The following DIAPH2 variants were observed in gnomAD, a reference collection of about 807,000 sequenced individuals.
DIAPH2 encodes diaphanous related formin 2.
A neutral mutation model predicts 92.7 loss-of-function variants in DIAPH2; 35 were observed. The observed-to-expected ratio is 0.38, with a 90% confidence interval of 0.29 to 0.50. The LOEUF is 0.50. DIAPH2 is among the 20% of genes least tolerant of loss of function. DIAPH2 has a pLI of 0.94. For missense variants in DIAPH2, 701 were observed against 819.5 expected (o/e 0.86, Z 1.77); for synonymous variants, 301 against 280.4 (o/e 1.07, Z -0.73).
intron 20 of DIAPH2, among the ~76,000 whole-genome samples, chrX:97,107,493 C>T (rs1168321564): frequency 8.9e-6 from 1 of 111,773 alleles, no homozygotes; most frequent in East Asian, 2.8e-4. Flanking sequence ...AGGTTCTGCC[C>T]TGGAGGAGGT....
intron 4 of DIAPH2, among the ~76,000 whole-genome samples, chrX:96,833,751 C>T (rs2064870472): frequency 9.0e-6 from 1 of 110,599 alleles, no homozygotes; most frequent in African/African-American, 3.3e-5. Flanking sequence ...ACCTCTGCCT[C>T]CTGGGTTCAA....
chrX:97,289,099 T>A lies in DIAPH2; in HGVS notation c.2844+41260T>A, dbSNP rs1382988447. Among the ~76,000 whole-genome samples the A allele has an allele frequency of 1.6e-4, 18 of 111,692 alleles. No individual in the cohort carries two copies. In the Admixed American group the frequency reaches 1.7e-3, roughly 11 times the overall value. ...TGGACTCTATCAACCAAATACGGGA[T>A]TTTTGAGACAGAAATCTGACATTCA... On this transcript the variant is annotated intron_variant, in intron 23 of 26. Transcript: ENST00000324765.
At chrX:97,410,874 G>C (rs762032839) in intron 25 of DIAPH2, among the ~76,000 whole-genome samples, 1 of 111,688 alleles carries the variant, frequency 9.0e-6, no homozygotes, top group Non-Finnish European at 1.9e-5. Flanking sequence ...AAAAAGAAAT[G>C]AACAAAGCCT....
intron 4 of DIAPH2, among the ~76,000 whole-genome samples, chrX:96,849,322 C>T (rs1482519684): frequency 1.8e-5 from 2 of 111,207 alleles, no homozygotes; most frequent in Non-Finnish European, 3.8e-5. Flanking sequence ...TGTGCCACCA[C>T]GCCCGGATAA....
At chrX:97,221,688 A>G (rs1348898429) in intron 22 of DIAPH2, among the ~76,000 whole-genome samples, 2 of 111,868 alleles carry the variant, frequency 1.8e-5, no homozygotes, top group Non-Finnish European at 3.8e-5. Context: ...AGTTGATTCA[A>G]TAGAGAAGTA....
chrX:97,460,484 T>C (rs758413409), intron 26 of DIAPH2, among the ~76,000 whole-genome samples: 20 of 110,912 alleles, frequency 1.8e-4, no homozygotes, highest in African/African-American at 6.2e-4. Context: ...AAAAGGAGAG[T>C]TGTCTCGCCA....
At chrX:96,767,746 G>A (rs1569389017) in intron 4 of DIAPH2, among the ~76,000 whole-genome samples, 2 of 111,983 alleles carry the variant, frequency 1.8e-5, no homozygotes, top group East Asian at 5.6e-4. Context: ...ATGCTGGAAG[G>A]AGAATGTTTT....
At chrX:97,318,438 C>T (rs898169493) in intron 23 of DIAPH2, among the ~76,000 whole-genome samples, 4 of 106,951 alleles carry the variant, frequency 3.7e-5, no homozygotes, top group Admixed American at 1.0e-4. Context: ...CGCCCTGCCG[C>T]CCACTGGTCT....
At chrX:97,355,761 G>A (rs2069260503) in intron 24 of DIAPH2, among the ~76,000 whole-genome samples, 1 of 111,283 alleles carries the variant, frequency 9.0e-6, no homozygotes, top group Admixed American at 9.6e-5. Context: ...CCCACTGGCA[G>A]GACTCAAGCT....
intron 26 of DIAPH2, among the ~76,000 whole-genome samples, chrX:97,595,912 G>A (rs1271780475): frequency 9.0e-6 from 1 of 111,675 alleles, no homozygotes; most frequent in Non-Finnish European, 1.9e-5. Context: ...GATTACAGGC[G>A]TGAGCCACCG....
At chrX:97,076,153 G>A (rs913856714) in intron 19 of DIAPH2, among the ~76,000 whole-genome samples, 1 of 112,134 alleles carries the variant, frequency 8.9e-6, no homozygotes, top group Non-Finnish European at 1.9e-5. Context: ...TTCTGTGGAA[G>A]GGTATAGTCA....
Position 97,265,793 on chromosome X carries a change from G to A in DIAPH2, c.2844+17954G>A, listed in dbSNP as rs770860639. Among the ~76,000 whole-genome samples the A allele has an allele frequency of 4.5e-5, 5 of 111,871 alleles. No individual in the cohort carries two copies. The East Asian group carries it at 1.4e-3, about 32-fold the overall frequency. ...TGTAGGTCCTTGTTGGCCAGGATAAGGAGTTTGGAGATAACTATACTAATC... is the reference window on the plus strand; with the variant it reads ...TGTAGGTCCTTGTTGGCCAGGATAAAGAGTTTGGAGATAACTATACTAATC... On this transcript the variant is annotated intron_variant, in intron 23 of 26. Coordinates refer to ENST00000324765, the MANE Select transcript of DIAPH2 (RefSeq NM_006729.5).
At chrX:96,774,583 T>C (rs1208683779) in intron 4 of DIAPH2, among the ~76,000 whole-genome samples, 1 of 111,667 alleles carries the variant, frequency 9.0e-6, no homozygotes, top group South Asian at 3.8e-4. Flanking sequence ...ACTCAGCAAT[T>C]TAAATGTGAG....
At chrX:97,458,753 T>TA (rs376113539) in intron 26 of DIAPH2, among the ~76,000 whole-genome samples, 36 of 111,381 alleles carry the variant, frequency 3.2e-4, no homozygotes, top group African/African-American at 9.4e-4. Flanking sequence ...GATTACTTCA[T>TA]AAAAAAAATG....
intron 21 of DIAPH2, among the ~76,000 whole-genome samples, chrX:97,134,348 A>C (rs2067157324): frequency 8.9e-6 from 1 of 111,874 alleles, no homozygotes; most frequent in African/African-American, 3.3e-5. Flanking sequence ...AATTGACACT[A>C]AGCATTGAAA....
intron 22 of DIAPH2, among the ~76,000 whole-genome samples, chrX:97,231,279 G>C (rs1299369273): frequency 1.5e-4 from 15 of 102,819 alleles, no homozygotes; most frequent in South Asian, 9.2e-4. Flanking sequence ...CTCTTGAAAG[G>C]GTTCTTATTG....
chrX:97,588,210 G>A (rs2071491080), intron 26 of DIAPH2, among the ~76,000 whole-genome samples: 1 of 112,252 alleles, frequency 8.9e-6, no homozygotes, highest in Non-Finnish European at 1.9e-5. Context: ...TTCATTTTGC[G>A]AATGCATAAA....
At chrX:96,786,238 G>C (rs1262386788) in intron 4 of DIAPH2, among the ~76,000 whole-genome samples, 3 of 111,702 alleles carry the variant, frequency 2.7e-5, no homozygotes, top group Non-Finnish European at 3.8e-5. Context: ...TAGTGCAGTA[G>C]TAGTCAAGAA....
chrX:97,263,867 G>A (rs984260709), intron 23 of DIAPH2, among the ~76,000 whole-genome samples: 3 of 109,187 alleles, frequency 2.7e-5, no homozygotes, highest in Non-Finnish European at 5.7e-5. Context: ...GATTACCGGC[G>A]TGAGCCACTG....
Sources: allele counts gnomAD v4.1 joint callset (sites outside exome capture counted in the v4.1 genomes callset), GRCh38; gene constraint gnomAD v4.1.1; transcripts MANE v1.5; gene names NCBI Gene and HGNC (gene_info 2026-07-23, HGNC 2026-07-21).